Variants in MSH4 observed in about 807,000 individuals in gnomAD.
The protein encoded by MSH4 is mutS homolog 4.
In MSH4, 106 loss-of-function variants were observed where a neutral mutation model predicts 113.7. That is an observed-to-expected ratio of 0.93 (90% CI 0.80 to 1.10). MSH4 has a LOEUF of 1.10. MSH4 is among the 50% of genes least tolerant of loss of function. The pLI is 0.00. For synonymous variants in MSH4, 368 were observed against 380.2 expected, an observed-to-expected ratio of 0.97 and a Z score of 0.37; for missense variants, 1,061 against 1,093.7, an observed-to-expected ratio of 0.97 and a Z score of 0.42.
intron 7 of MSH4, among the ~76,000 whole-genome samples, chr1:75,843,471 G>A (rs1651010275): frequency 6.6e-6 from 1 of 152,164 alleles, no homozygotes; most frequent in Non-Finnish European, 1.5e-5. Context: ...TCAAGGCATG[G>A]CAAGGACATA....
At chr1:75,817,548 A>G (rs1266443612) in intron 6 of MSH4, among the ~76,000 whole-genome samples, 1 of 152,230 alleles carries the variant, frequency 6.6e-6, no homozygotes, top group Non-Finnish European at 1.5e-5. Flanking sequence ...AGATACTTAA[A>G]TGATAGAATA....
intron 7 of MSH4, among the ~76,000 whole-genome samples, chr1:75,822,827 GT>G (rs374152009): frequency 6.7e-6 from 1 of 149,982 alleles, no homozygotes; most frequent in Non-Finnish European, 1.5e-5. Flanking sequence ...TTTTGTTGTT[GT>G]TTTTGTTGTT....
intron 7 of MSH4, among the ~76,000 whole-genome samples, chr1:75,833,129 TA>T (rs1650743446): frequency 6.6e-6 from 1 of 152,176 alleles, no homozygotes; most frequent in South Asian, 2.1e-4. Context: ...CAAGCACTCC[TA>T]AACACCAATA....
chr1:75,908,036 G>T (rs900934618), intron 19 of MSH4, among the ~76,000 whole-genome samples: 1 of 149,476 alleles, frequency 6.7e-6, no homozygotes, highest in Admixed American at 6.7e-5. Context: ...TCTTCTGCTT[G>T]ATCTATTTCT....
intron 8 of MSH4, among the ~76,000 whole-genome samples, chr1:75,853,047 C>A (rs1651223612): frequency 6.8e-6 from 1 of 146,818 alleles, no homozygotes; most frequent in African/African-American, 2.5e-5. Context: ...AAATTAGTAA[C>A]TATTTTTCTT....
At chr1:75,820,203 A>G (rs78731754) in intron 6 of MSH4, among the ~76,000 whole-genome samples, 6,317 of 152,316 alleles carry the variant, frequency 0.041, 155 homozygotes, top group African/African-American at 0.046. Flanking sequence ...AGAAAACTTT[A>G]TATTAGTGTG....
chr1:75,836,340 C>A (rs1487921197), intron 7 of MSH4, among the ~76,000 whole-genome samples: 2 of 136,524 alleles, frequency 1.5e-5, no homozygotes, highest in Non-Finnish European at 3.1e-5. Flanking sequence ...ATTCTGTTGC[C>A]TAGGCTGGAG....
intron 7 of MSH4, among the ~76,000 whole-genome samples, chr1:75,835,091 G>T (rs1038909646): frequency 3.3e-5 from 5 of 152,154 alleles, no homozygotes; most frequent in Admixed American, 2.0e-4. Flanking sequence ...AGCTTGGTCT[G>T]TCTTCCATAC....
Position 75,848,407 on chromosome 1 carries a change from T to G in MSH4, c.1230+131T>G, listed in dbSNP as rs567223995. On this transcript the variant is annotated intron_variant, in intron 8 of 19. Transcript: ENST00000263187. ...CCTTCATTATTGATATCTGGAGTAT[T>G]TTATGCCACTGTAGAGGAAACTTTT... The G allele has an allele frequency of 7.3e-5, 51 of 695,814 alleles. No homozygotes were observed. The African/African-American group carries it at 8.7e-4, about 12-fold the overall frequency. The allele number at this position is 695,814 out of a possible 1,614,324, so 43.1% of individuals were successfully genotyped here.
intron 19 of MSH4, among the ~76,000 whole-genome samples, chr1:75,906,829 CT>C (rs746640168): frequency 4.7e-4 from 66 of 139,692 alleles, no homozygotes; most frequent in East Asian, 3.8e-3. Flanking sequence ...ATAAACGTGT[CT>C]TTTTTTTTTT....
intron 7 of MSH4, among the ~76,000 whole-genome samples, chr1:75,842,010 C>T (rs893462766): frequency 6.6e-6 from 1 of 152,096 alleles, no homozygotes; most frequent in Non-Finnish European, 1.5e-5. Flanking sequence ...GTCCTGAGAA[C>T]ATGTGCCCAA....
chr1:75,837,548 G>A (rs572060976), intron 7 of MSH4, among the ~76,000 whole-genome samples: 2 of 151,834 alleles, frequency 1.3e-5, no homozygotes, highest in African/African-American at 4.8e-5. Flanking sequence ...CACCACACCC[G>A]ACTAATTTTT....
chr1:75,872,049 G>A (rs1651725414), intron 9 of MSH4, among the ~76,000 whole-genome samples: 1 of 152,078 alleles, frequency 6.6e-6, no homozygotes, highest in Admixed American at 6.6e-5. Flanking sequence ...TTTACATCTT[G>A]ACCTTATGTA....
Position 75,807,368 on chromosome 1 carries a change from GTTAGTA to G in MSH4, c.588+233_588+238del, listed in dbSNP as rs368146007. ...TTTACTGTTATTTAAATAAGCTATT[GTTAGTA>G]TTAGTTTCTAAAATTAACATCTTCA... On this transcript the variant is annotated intron_variant, in intron 3 of 19. Coordinates refer to ENST00000263187, the MANE Select transcript of MSH4 (RefSeq NM_002440.4). 6.2e-3 allele frequency among the ~76,000 whole-genome samples: 949 copies of G among 152,148 alleles called. 9 individuals are homozygous for G. The highest frequency in any genetic ancestry group is 0.022 in the African/African-American group (898 of 41,524).
At chr1:75,857,812 G>C (rs1447501848) in intron 8 of MSH4, among the ~76,000 whole-genome samples, 3 of 152,110 alleles carry the variant, frequency 2.0e-5, no homozygotes, top group African/African-American at 7.2e-5. Context: ...GAAAGTCAGT[G>C]GTAGCTTGAT....
chr1:75,839,255 C>G (rs1650898662), intron 7 of MSH4, among the ~76,000 whole-genome samples: 1 of 152,022 alleles, frequency 6.6e-6, no homozygotes, highest in South Asian at 2.1e-4. Flanking sequence ...CACTCTGTCA[C>G]CCAGGCTGGA....
At chr1:75,890,474 A>G (rs1557526990) in intron 16 of MSH4, among the ~76,000 whole-genome samples, 1 of 152,090 alleles carries the variant, frequency 6.6e-6, no homozygotes, top group African/African-American at 2.4e-5. Context: ...GTTGTCTCAT[A>G]TACATATGCA....
chr1:75,888,667 G>A (rs184471931), intron 15 of MSH4, among the ~76,000 whole-genome samples: 2 of 151,570 alleles, frequency 1.3e-5, no homozygotes, highest in African/African-American at 4.8e-5. Context: ...GAGATACATA[G>A]TGATGTTTGA....
chr1:75,881,839 A>G (rs568627872), intron 14 of MSH4, among the ~76,000 whole-genome samples: 1 of 152,186 alleles, frequency 6.6e-6, no homozygotes, highest in African/African-American at 2.4e-5. Context: ...TAAAAAGGCC[A>G]TGAATATAAA....
Sources: allele counts gnomAD v4.1 joint callset (sites outside exome capture counted in the v4.1 genomes callset), GRCh38; gene constraint gnomAD v4.1.1; transcripts MANE v1.5; gene names NCBI Gene and HGNC (gene_info 2026-07-23, HGNC 2026-07-21).